ERC2: variants seen among roughly 807,000 people sequenced by gnomAD.
The protein encoded by ERC2 is ERC protein 2.
A neutral mutation model predicts 114.8 loss-of-function variants in ERC2; 42 were observed. The observed-to-expected ratio is 0.37, with a 90% CI of 0.29 to 0.47. The LOEUF is 0.47. ERC2 is among the 20% of genes least tolerant of loss of function. ERC2 has a pLI of 0.99. For synonymous variants in ERC2, 454 were observed against 425.5 expected, an observed-to-expected ratio of 1.07 and a Z score of -0.82; for missense variants, 939 against 1,150.7, an observed-to-expected ratio of 0.82 and a Z score of 2.66.
At chr3:56,345,231 T>C (rs1174346643) in intron 2 of ERC2, among the ~76,000 whole-genome samples, 2 of 152,178 alleles carry the variant, frequency 1.3e-5, no homozygotes, top group Non-Finnish European at 2.9e-5. Context: ...AAAGTCTGAA[T>C]ATAGGCTTGC....
intron 17 of ERC2, among the ~76,000 whole-genome samples, chr3:55,511,584 T>A (rs2052071852): frequency 6.6e-6 from 1 of 152,228 alleles, no homozygotes; most frequent in African/African-American, 2.4e-5. Context: ...TGCCAAAATG[T>A]TCCAGTGATT....
intron 1 of ERC2, among the ~76,000 whole-genome samples, chr3:56,436,890 C>T (rs1029200303): frequency 6.6e-6 from 1 of 152,184 alleles, no homozygotes; most frequent in Admixed American, 6.5e-5. Flanking sequence ...TGAAACCAAA[C>T]CAGGTGACAT....
At chr3:55,851,927 T>C (rs2061590370) in intron 14 of ERC2, among the ~76,000 whole-genome samples, 1 of 152,126 alleles carries the variant, frequency 6.6e-6, no homozygotes, top group Non-Finnish European at 1.5e-5. Context: ...ACATATTAAT[T>C]TATTGCTAAA....
At chr3:55,794,963 T>A (rs1334063577) in intron 14 of ERC2, among the ~76,000 whole-genome samples, 1 of 152,196 alleles carries the variant, frequency 6.6e-6, no homozygotes, top group Non-Finnish European at 1.5e-5. Context: ...TCTTTTTTCT[T>A]AGGTAATACA....
At chr3:55,789,053 T>C (rs1045887835) in intron 14 of ERC2, among the ~76,000 whole-genome samples, 1 of 146,854 alleles carries the variant, frequency 6.8e-6, no homozygotes, top group African/African-American at 2.7e-5. Flanking sequence ...ATTGTTTCTT[T>C]CTCTCTCAGC....
At chr3:55,532,664 C>G (rs545255945) in intron 17 of ERC2, among the ~76,000 whole-genome samples, 1 of 152,236 alleles carries the variant, frequency 6.6e-6, no homozygotes, top group Non-Finnish European at 1.5e-5. Context: ...GACCATTGTT[C>G]AGGGCCACAA....
At chr3:55,539,613 G>C (rs79365862) in intron 17 of ERC2, among the ~76,000 whole-genome samples, 9 of 150,882 alleles carry the variant, frequency 6.0e-5, no homozygotes, top group Admixed American at 4.0e-4. Context: ...AATTTTAGTA[G>C]AGACAGGGTT....
At position 55,819,482 on chromosome 3, in the gene ERC2, T is replaced by C. The variant is rs570476078; in HGVS notation, c.2564+68907A>G. 7.9e-5 allele frequency among the ~76,000 whole-genome samples: 12 copies of C among 152,344 alleles called. No individual in the cohort carries two copies. In the South Asian group the frequency reaches 2.5e-3, roughly 32 times the overall value. On this transcript the variant is annotated intron_variant, in intron 14 of 17. Transcript: ENST00000288221. Reference sequence around the variant, plus strand: ...ACAATGGTTTTAAAACTATGGTTCATCTCAACTTTCCTGACCTTTGACTGC... The same window carrying C: ...ACAATGGTTTTAAAACTATGGTTCACCTCAACTTTCCTGACCTTTGACTGC...
At chr3:56,387,257 C>A (rs922211321) in intron 2 of ERC2, among the ~76,000 whole-genome samples, 1 of 152,112 alleles carries the variant, frequency 6.6e-6, no homozygotes, top group Admixed American at 6.5e-5. Flanking sequence ...AAGTGTTTAA[C>A]CAATTTGTTA....
chr3:56,379,137 T>A (rs1002779603), intron 2 of ERC2, among the ~76,000 whole-genome samples: 1 of 152,196 alleles, frequency 6.6e-6, no homozygotes, highest in East Asian at 1.9e-4. Flanking sequence ...AAGCGGTCAA[T>A]TCAGATAGCC....
intron 14 of ERC2, among the ~76,000 whole-genome samples, chr3:55,831,380 A>AGGGAAGGGGAGGGGAGGGG (rs2060570498): frequency 1.7e-5 from 1 of 57,916 alleles, no homozygotes; most frequent in African/African-American, 7.2e-5. Context: ...AAGGGAAGGG[A>AGGGAAGGGGAGGGGAGGGG]AGGGAAGGAA....
At chr3:56,217,357 G>C (rs936897168) in intron 3 of ERC2, among the ~76,000 whole-genome samples, 29 of 152,144 alleles carry the variant, frequency 1.9e-4, no homozygotes, top group Non-Finnish European at 1.2e-4. Context: ...CAGACAAACA[G>C]AGAGCCAAAT....
chr3:55,701,156 G>C (rs1559519347), intron 15 of ERC2, among the ~76,000 whole-genome samples: 1 of 152,130 alleles, frequency 6.6e-6, no homozygotes, highest in African/African-American at 2.4e-5. Context: ...AGAAAAGTCT[G>C]GACCTAACAT....
Position 55,754,886 on chromosome 3 carries a change from T to C in ERC2, c.2565-19968A>G, listed in dbSNP as rs185745472. Among the ~76,000 whole-genome samples, 18 of 152,248 alleles carry C rather than the reference T, an allele frequency of 1.2e-4. No individual in the cohort carries two copies. In the East Asian group the frequency reaches 3.3e-3, roughly 28 times the overall value. On this transcript the variant is annotated intron_variant, in intron 14 of 17. Transcript: ENST00000288221. ...ATCTATAACCCATAAGCTGTACTAATATAGCAAAATAACTGTATTGTATTC... is the reference window on the plus strand; with the variant it reads ...ATCTATAACCCATAAGCTGTACTAACATAGCAAAATAACTGTATTGTATTC...
At chr3:56,297,589 C>T (rs2055538874) in intron 2 of ERC2, among the ~76,000 whole-genome samples, 1 of 152,188 alleles carries the variant, frequency 6.6e-6, no homozygotes, top group African/African-American at 2.4e-5. Context: ...CAGCCACAAG[C>T]CTGAAGGCAT....
chr3:56,285,650 C>A (rs1310213433), intron 3 of ERC2, among the ~76,000 whole-genome samples: 2 of 152,190 alleles, frequency 1.3e-5, no homozygotes, highest in African/African-American at 4.8e-5. Context: ...GTCCTCCTGA[C>A]CAAATTCTGG....
intron 12 of ERC2, among the ~76,000 whole-genome samples, chr3:55,974,132 T>C (rs2069395180): frequency 1.3e-5 from 2 of 152,124 alleles, no homozygotes; most frequent in Admixed American, 6.6e-5. Flanking sequence ...AAGTTTAAAG[T>C]TTAAAAGTTT....
At chr3:55,882,082 C>A (rs972092314) in intron 14 of ERC2, among the ~76,000 whole-genome samples, 1 of 152,172 alleles carries the variant, frequency 6.6e-6, no homozygotes, top group Non-Finnish European at 1.5e-5. Context: ...AATGGGAAAA[C>A]GGTGTTTGGG....
chr3:55,708,814 TAAAG>T (rs1174534913), intron 15 of ERC2, among the ~76,000 whole-genome samples: 1 of 141,390 alleles, frequency 7.1e-6, no homozygotes, highest in Non-Finnish European at 1.5e-5. Context: ...TGGGAATAAA[TAAAG>T]GAAGGAAGAA....
Sources: gnomAD v4.1 joint callset for allele counts (sites outside exome capture counted in the v4.1 genomes callset) on GRCh38, gnomAD v4.1.1 for gene constraint, MANE v1.5 for transcripts, NCBI Gene and HGNC (gene_info 2026-07-23, HGNC 2026-07-21) for gene names.